The following EEF1A2 variants were observed in gnomAD, a reference collection of about 807,000 sequenced individuals.
EEF1A2 encodes the protein eukaryotic translation elongation factor 1 alpha 2.
A neutral mutation model predicts 39.3 loss-of-function variants in EEF1A2; 5 were observed. The ratio of observed to expected loss-of-function variants is 0.13; its 90% CI spans 0.07 to 0.27. The LOEUF (loss-of-function observed/expected upper bound fraction) is 0.27. EEF1A2 is among the 10% of genes least tolerant of loss of function. The pLI is 1.00. For synonymous variants in EEF1A2, 287 were observed against 293.7 expected, an observed-to-expected ratio of 0.98 and a Z score of 0.23; for missense variants, 218 against 681.4, an observed-to-expected ratio of 0.32 and a Z score of 7.57.
chr20:63,494,578 C>T (rs573671801), intron 4 of EEF1A2, among the ~76,000 whole-genome samples: 2 of 152,268 alleles, frequency 1.3e-5, no homozygotes, highest in Admixed American at 6.5e-5. Flanking sequence ...GCCCTGGCCC[C>T]GGCCAGCCGC....
chr20:63,494,320 A>G (rs2082406361), intron 4 of EEF1A2, among the ~76,000 whole-genome samples: 1 of 152,160 alleles, frequency 6.6e-6, no homozygotes. Context: ...CCAAGAGCCA[A>G]CCCTTGGCCA....
Position 63,490,554 on chromosome 20 carries a change from C to T in EEF1A2, c.954G>A (p.Lys318=), listed in dbSNP as rs1203123076. The change falls in exon 6 of 8, where the codon AAG becomes AAA. Residue 318 remains lysine, a synonymous_variant. Coordinates refer to ENST00000217182, the MANE Select transcript of EEF1A2 (RefSeq NM_001958.5). ...CACACACGTTGCCCCGCCGGATGTC[C>T]TTCACCGACACGTTCTTCACATTGA... ...VGFNVKNVSV[K]DIRRGNVCGD... 16 of 1,612,666 alleles carry T rather than the reference C, an allele frequency of 9.9e-6. No individual in the cohort carries two copies. Among genetic ancestry groups the T allele is most frequent in the Middle Eastern group, 1.6e-4 (1 of 6,082 alleles).
chr20:63,488,864 G>A, intron 7 of EEF1A2, 54 bp downstream of exon 7: 5 of 1,582,756 alleles, frequency 3.2e-6, no homozygotes, highest in Non-Finnish European at 4.3e-6. Context: ...TCTGCCCTCA[G>A]CCTGGATCAG....
chr20:63,490,140 T>A (rs1757963346), intron 6 of EEF1A2: 1 of 221,322 alleles, frequency 4.5e-6, no homozygotes, highest in Non-Finnish European at 9.2e-6. Context: ...CAATCTCGGC[T>A]CACTGCAACC....
intron 5 of EEF1A2, 62 bp downstream of exon 5, chr20:63,493,075 C>G (rs923734285): frequency 3.3e-6 from 5 of 1,513,100 alleles, no homozygotes; most frequent in Middle Eastern, 2.4e-4. Context: ...CTTGTAGGGG[C>G]CCCTGGTCTA....
At chr20:63,488,488 C>T in intron 7 of EEF1A2, 63 bp from the exon 8 acceptor site, 1 of 1,329,284 alleles carries the variant, frequency 7.5e-7, no homozygotes, top group Non-Finnish European at 9.6e-7. Flanking sequence ...AACCCCAGGG[C>T]TCTGGCCGGG....
Position 63,497,426 on chromosome 20 carries a change from A to C in EEF1A2, c.144+194T>G. The C allele has an allele frequency of 2.5e-6, 2 of 801,064 alleles. No homozygotes were observed. Among genetic ancestry groups the C allele is most frequent in the Non-Finnish European group, 3.6e-6 (2 of 557,116 alleles). 49.6% of individuals were successfully genotyped at this position (801,064 alleles called of 1,614,324 possible). ...GCAGCTCGATGGCCACCCCTCCCCC[A>C]CCAAGCTCCCCCTAAGAGAGAGGCT... On this transcript the variant is annotated intron_variant, in intron 2 of 7. Coordinates refer to ENST00000217182, the MANE Select transcript of EEF1A2 (RefSeq NM_001958.5). The surrounding 1 kb of genome is among the most constrained non-coding windows in gnomAD (Gnocchi z 7.3).
chr20:63,488,770 C>T (rs1406045458), intron 7 of EEF1A2, 148 bp downstream of exon 7: 4 of 885,990 alleles, frequency 4.5e-6, no homozygotes, highest in Non-Finnish European at 6.8e-6. Flanking sequence ...GACACGGAGG[C>T]CGTGGCTCTC....
Position 63,495,087 on chromosome 20 carries a change from C to T in EEF1A2, c.339G>A (p.Val113=). 1 of 1,610,482 alleles carries T rather than the reference C, an allele frequency of 6.2e-7. No homozygotes were observed. Among genetic ancestry groups the T allele is most frequent in the Non-Finnish European group, 8.5e-7 (1 of 1,179,542 alleles). The change falls in exon 4 of 8, where the codon GTG becomes GTA. Residue 113 remains valine (V), a synonymous_variant. Coordinates refer to ENST00000217182, the MANE Select transcript of EEF1A2 (RefSeq NM_001958.5). Reference sequence around the variant, plus strand: ...CGCCCACGCCCGCCGCCACGATCAGCACTGCGCAGTCCGCCTGCCCGGCAG... The same window carrying T: ...CGCCCACGCCCGCCGCCACGATCAGTACTGCGCAGTCCGCCTGCCCGGCAG... The part of the protein sequence containing the change: ...ITGTSQADCA[V]LIVAAGVGEF...
rs1222452639 is a variant in EEF1A2, at chr20:63,489,132, C to T, written c.1050G>A (p.Pro350=). The change falls in exon 7 of 8, where the codon CCG becomes CCA. Residue 350 remains proline, a synonymous_variant. Transcript: ENST00000217182. ...GGGAGTAGCCGGCGCTAATCTGCCC[C>T]GGGTGGTTCAGGATGATGACCTGCG... ...FTSQVIILNH[P]GQISAGYSPV... 1.2e-6 allele frequency: 2 copies of T among 1,612,678 alleles called. No individual in the cohort carries two copies. Among genetic ancestry groups the T allele is most frequent in the Non-Finnish European group, 1.7e-6 (2 of 1,179,896 alleles).
At chr20:63,492,714 A>ACGGGTGGG (rs1332452683) in intron 5 of EEF1A2, among the ~76,000 whole-genome samples, 11 of 97,934 alleles carry the variant, frequency 1.1e-4, no homozygotes, top group South Asian at 3.8e-4. Context: ...GGATGGATGG[A>ACGGGTGGG]GAGGTGGATG....
chr20:63,491,385 C>G (rs530123799), intron 5 of EEF1A2, among the ~76,000 whole-genome samples: 1 of 152,232 alleles, frequency 6.6e-6, no homozygotes, highest in Non-Finnish European at 1.5e-5. Context: ...CTTGTCCCCC[C>G]CCAGGCTACT....
At position 63,488,089 on chromosome 20, in the gene EEF1A2, G is replaced by T; in HGVS notation, c.*209C>A. On this transcript the variant is annotated 3_prime_UTR_variant, in exon 8 of 8. Transcript: ENST00000217182. ...GGGCGCGGAAGCCTGGGGCGGGGGC[G>T]CCTTTCCTCTTGAAGAACTTCCACT... 1 of 166,300 alleles carries T rather than the reference G, an allele frequency of 6.0e-6. No homozygotes were observed. Among genetic ancestry groups the T allele is most frequent in the Non-Finnish European group, 1.2e-5 (1 of 81,506 alleles). 10.3% of individuals were successfully genotyped at this position (166,300 alleles called of 1,614,324 possible).
rs2145945058 is a variant in EEF1A2, at chr20:63,495,235, G to A, written c.325-134C>T. The A allele has an allele frequency of 2.3e-6, 3 of 1,295,574 alleles. No homozygotes were observed. In the East Asian group the frequency reaches 7.5e-5, roughly 33 times the overall value. The allele number at this position is 1,295,574 out of a possible 1,614,324, so 80.3% of individuals were successfully genotyped here. A position where few individuals can be genotyped will look rare whatever the true frequency, so the allele number is the denominator to read the frequency against. On this transcript the variant is annotated intron_variant, in intron 3 of 7. Transcript: ENST00000217182. ...GAGCAGCCCACTGGGGCCTTGGGGA[G>A]GGAGGCATGGGGGTCCCCACTTCAA...
chr20:63,494,653 G>A (rs891873427), intron 4 of EEF1A2, 152 bp downstream of exon 4: 2 of 1,145,838 alleles, frequency 1.7e-6, no homozygotes, highest in Non-Finnish European at 2.4e-6. Context: ...GCCGGGCCCT[G>A]AGCCAGTTAG....
At chr20:63,495,299 G>A (rs771016136) in intron 3 of EEF1A2, among the ~76,000 whole-genome samples, 198 bp from the exon 4 acceptor site, 3 of 152,232 alleles carry the variant, frequency 2.0e-5, no homozygotes, top group Non-Finnish European at 4.4e-5. Context: ...CTGGGTCAGG[G>A]GACCGAGGTT....
chr20:63,490,754 G>A lies in EEF1A2; in HGVS notation c.773-19C>T, dbSNP rs777742292. 1 of 1,582,252 alleles carries A rather than the reference G, an allele frequency of 6.3e-7. No homozygotes were observed. The highest frequency in any genetic ancestry group is 1.1e-5 in the South Asian group (1 of 90,730). ...CCAATGCCTGCAGAGGGGAGGGGGT[G>A]TGAGGGGAAGGTGGGGCCCGAGGGG... On this transcript the variant is annotated intron_variant, in intron 5 of 7. Coordinates refer to ENST00000217182, the MANE Select transcript of EEF1A2 (RefSeq NM_001958.5).
intron 7 of EEF1A2, among the ~76,000 whole-genome samples, 176 bp from the exon 8 acceptor site, chr20:63,488,601 T>C (rs1379878828): frequency 2.0e-5 from 3 of 151,702 alleles, no homozygotes; most frequent in Non-Finnish European, 4.4e-5. Flanking sequence ...GGGCGGCTGC[T>C]CCACGGTCTG....
At position 63,498,372 on chromosome 20, in the gene EEF1A2, A is replaced by ATTAGGAACC. The variant is rs1288632204; in HGVS notation, c.-71-539_-71-538insGGTTCCTAA. On this transcript the variant is annotated intron_variant, in intron 1 of 7. Coordinates refer to ENST00000217182, the MANE Select transcript of EEF1A2 (RefSeq NM_001958.5). This position sits in a 1 kb window ranked among gnomAD's most constrained non-coding sequence, Gnocchi z 4.1. ...CCCGGCAGGCTGGGCCAGAGCCCCG[A>ATTAGGAACC]CGGAGATGCGCTGCCCAGATTAGGA... 1 of 152,392 alleles carries ATTAGGAACC rather than the reference A, an allele frequency of 6.6e-6. No homozygotes were observed. The highest frequency in any genetic ancestry group is 2.4e-5 in the African/African-American group (1 of 41,426). The allele number at this position is 152,392 out of a possible 1,614,324, so 9.4% of individuals were successfully genotyped here.
Sources: allele counts gnomAD v4.1 joint callset (sites outside exome capture counted in the v4.1 genomes callset), GRCh38; gene constraint gnomAD v4.1.1; non-coding constraint Gnocchi (gnomAD v3.1); transcripts MANE v1.5; gene names NCBI Gene and HGNC (gene_info 2026-07-23, HGNC 2026-07-21).